Variants in TMEM68 observed in about 807,000 individuals in gnomAD.
The protein encoded by TMEM68 is transmembrane protein 68.
A neutral mutation model predicts 36.9 loss-of-function variants in TMEM68; 25 were observed. That is an observed-to-expected ratio of 0.68 (90% CI 0.49 to 0.95). The LOEUF (loss-of-function observed/expected upper bound fraction) is 0.95, where lower values mean the gene tolerates loss of function less well. Ranked by LOEUF, TMEM68 falls within the 40% of genes least tolerant of loss-of-function variation. The probability of loss-of-function intolerance (pLI) is 0.00; values close to 1 mark genes in which losing one functional copy is unlikely to be tolerated. For synonymous variants in TMEM68, 131 were observed against 124.4 expected (o/e 1.05, Z -0.35); for missense variants, 333 against 392.0 (o/e 0.85, Z 1.27).
intron 1 of TMEM68, among the ~76,000 whole-genome samples, chr8:55,765,343 C>T (rs1210876997): frequency 6.6e-6 from 1 of 152,202 alleles, no homozygotes; most frequent in Non-Finnish European, 1.5e-5. Context: ...CCCCTGGTTT[C>T]TTAAGCTTTC....
At chr8:55,745,810 C>G (rs1227849499) in intron 5 of TMEM68, 1 of 152,170 alleles carries the variant, frequency 6.6e-6, no homozygotes, top group Non-Finnish European at 1.5e-5. Context: ...AATCCTCCAA[C>G]CTTAGTTTCC....
chr8:55,771,793 G>A lies in TMEM68; in HGVS notation c.-115+1476C>T, dbSNP rs879800129. Among the ~76,000 whole-genome samples, 22 of 152,216 alleles carry A rather than the reference G, an allele frequency of 1.4e-4. No homozygotes were observed. The South Asian group carries it at 1.5e-3, about 10-fold the overall frequency. The stretch of plus-strand genomic sequence containing the variant: ...GTTTCCTTTCTGCATATTTAATAAT[G>A]GTTTAACAGAGATACAGCACTGTTT... On this transcript the variant is annotated intron_variant, in intron 1 of 7. Coordinates refer to ENST00000434581, the MANE Select transcript of TMEM68 (RefSeq NM_001286657.2).
chr8:55,750,125 G>A (rs1442544934), intron 5 of TMEM68, among the ~76,000 whole-genome samples: 1 of 151,932 alleles, frequency 6.6e-6, no homozygotes, highest in African/African-American at 2.4e-5. Context: ...CTTTGATTAG[G>A]ATTTTAGTTT....
rs759876560 is a variant in TMEM68, at chr8:55,750,025, T to G, written c.687+939A>C. Among the ~76,000 whole-genome samples, 8 of 152,226 alleles carry G rather than the reference T, an allele frequency of 5.3e-5. 1 individual carries two copies. Among genetic ancestry groups the G allele is most frequent in the Non-Finnish European group, 1.0e-4 (7 of 68,038 alleles). ...GAGGAATTGGAATCCCATGGCATAT[T>G]TATGTGATTTTAAATCTATTTTTGT... On this transcript the variant is annotated intron_variant, in intron 5 of 7. Transcript: ENST00000434581.
chr8:55,749,724 T>C (rs1037038371), intron 5 of TMEM68, among the ~76,000 whole-genome samples: 1 of 152,134 alleles, frequency 6.6e-6, no homozygotes, highest in African/African-American at 2.4e-5. Context: ...CCTTACTGAA[T>C]AGGAGTATAA....
intron 5 of TMEM68, 22 bp downstream of exon 5, chr8:55,750,942 T>C (rs1299147338): frequency 6.3e-7 from 1 of 1,587,564 alleles, no homozygotes. Flanking sequence ...TTTACTTCAA[T>C]AATTAATTTT....
intron 2 of TMEM68, 120 bp from the exon 3 acceptor site, chr8:55,763,148 G>A (rs1810853808): frequency 4.1e-6 from 2 of 492,138 alleles, no homozygotes; most frequent in Non-Finnish European, 6.8e-6. Context: ...ATGGTTAATG[G>A]TTAACTTTGT....
intron 1 of TMEM68, among the ~76,000 whole-genome samples, chr8:55,768,886 T>C (rs950037215): frequency 2.0e-5 from 3 of 151,010 alleles, no homozygotes; most frequent in Non-Finnish European, 4.4e-5. Flanking sequence ...CATGGTGACA[T>C]GTACCAATGA....
chr8:55,772,247 T>C (rs1332460194), intron 1 of TMEM68, among the ~76,000 whole-genome samples: 1 of 152,176 alleles, frequency 6.6e-6, no homozygotes, highest in Non-Finnish European at 1.5e-5. Flanking sequence ...CTATTGAAAA[T>C]ACCATTCAAA....
Position 55,762,807 on chromosome 8 carries a change from T to C in TMEM68, c.153A>G (p.Leu51=), listed in dbSNP as rs1810838155. 3 of 1,614,038 alleles carry C rather than the reference T, an allele frequency of 1.9e-6. No individual in the cohort carries two copies. Among genetic ancestry groups the C allele is most frequent in the South Asian group, 1.1e-5 (1 of 91,080 alleles). The part of the protein sequence containing the change: ...ANYLLWVFTP[L]ILLILPYFTI... ...TAAAGTAAGGAAGTATTAAAAGTATTAGTGGTGTAAAAACCCACAAGAGAT... is the reference window on the plus strand; with the variant it reads ...TAAAGTAAGGAAGTATTAAAAGTATCAGTGGTGTAAAAACCCACAAGAGAT... The change falls in exon 3 of 8, where the codon CTA becomes CTG. Residue 51 remains leucine (L), a synonymous_variant. Coordinates refer to ENST00000434581, the MANE Select transcript of TMEM68 (RefSeq NM_001286657.2).
intron 1 of TMEM68, among the ~76,000 whole-genome samples, chr8:55,768,039 C>A (rs1429531981): frequency 6.6e-5 from 10 of 152,022 alleles, no homozygotes; most frequent in Non-Finnish European, 1.5e-4. Flanking sequence ...AAGCAGTATC[C>A]TGGAAGTAAG....
intron 2 of TMEM68, chr8:55,763,509 T>C (rs189718958): frequency 1.3e-5 from 2 of 152,518 alleles, no homozygotes; most frequent in Admixed American, 1.3e-4. Context: ...TGCCTCAGCA[T>C]CCCGAGCAGC....
chr8:55,765,961 A>G (rs942696328), intron 1 of TMEM68, among the ~76,000 whole-genome samples: 1 of 152,238 alleles, frequency 6.6e-6, no homozygotes, highest in Non-Finnish European at 1.5e-5. Flanking sequence ...TCAGCAGCAA[A>G]TAAAGCAAAG....
chr8:55,762,896 T>C lies in TMEM68; in HGVS notation c.64A>G (p.Ile22Val), dbSNP rs1432477008. 1 of 1,614,120 alleles carries C rather than the reference T, an allele frequency of 6.2e-7. No homozygotes were observed. Residue 22 changes from isoleucine (I) to valine (V), a missense_variant, in exon 3 of 8, where the codon ATT becomes GTT. Physicochemically the swap from Ile to Val is conservative, Grantham distance 29. Coordinates refer to ENST00000434581, the MANE Select transcript of TMEM68 (RefSeq NM_001286657.2). ...QDSVPYMICLIHILEEWFGVE... is the reference protein window; with the variant it reads ...QDSVPYMICLVHILEEWFGVE... ...CCAAACCATTCTTCGAGTATGTGAA[T>C]CAGACAAATCATATAGGGCACAGAA...
chr8:55,758,090 G>A (rs1319816745), intron 3 of TMEM68, among the ~76,000 whole-genome samples: 1 of 152,118 alleles, frequency 6.6e-6, no homozygotes, highest in Non-Finnish European at 1.5e-5. Flanking sequence ...CAGGAGGGGC[G>A]TGAAGAGACT....
intron 1 of TMEM68, among the ~76,000 whole-genome samples, chr8:55,770,477 C>T (rs889323722): frequency 6.6e-5 from 10 of 152,152 alleles, no homozygotes; most frequent in Non-Finnish European, 1.2e-4. Flanking sequence ...GAGTTTGAGA[C>T]CAGCCTGGGG....
At chr8:55,767,744 C>T (rs1287209027) in intron 1 of TMEM68, among the ~76,000 whole-genome samples, 6 of 152,074 alleles carry the variant, frequency 3.9e-5, no homozygotes, top group Non-Finnish European at 7.4e-5. Flanking sequence ...TCGAGACCAG[C>T]CTGACCAACA....
chr8:55,740,226 G>A lies in TMEM68; in HGVS notation c.889-8C>T. On this transcript the variant is annotated splice_region_variant and splice_polypyrimidine_tract_variant and intron_variant, in intron 7 of 7. Transcript: ENST00000434581. ...TTGAACAGCATTCTTCGTCTATTAA[G>A]AAAACAAAAGAAAAGCTATTGTTAG... 6.2e-7 allele frequency: 1 copy of A among 1,602,764 alleles called. No homozygotes were observed. Among genetic ancestry groups the A allele is most frequent in the South Asian group, 1.1e-5 (1 of 90,474 alleles).
chr8:55,752,469 C>T (rs891391865), intron 4 of TMEM68, among the ~76,000 whole-genome samples: 1 of 151,148 alleles, frequency 6.6e-6, no homozygotes, highest in Middle Eastern at 3.5e-3. Context: ...CGCTTGTAAT[C>T]CCAGCTACTC....
Sources: allele counts gnomAD v4.1 joint callset (sites outside exome capture counted in the v4.1 genomes callset), GRCh38; gene constraint gnomAD v4.1.1; transcripts MANE v1.5; gene names NCBI Gene and HGNC (gene_info 2026-07-23, HGNC 2026-07-21).